The following CMBL variants were observed in gnomAD, a reference collection of about 807,000 sequenced individuals.
CMBL encodes the protein carboxymethylenebutenolidase homolog.
In CMBL, 17 loss-of-function variants were observed where a neutral mutation model predicts 28.7. The observed-to-expected ratio is 0.59, with a 90% CI of 0.41 to 0.89. CMBL has a LOEUF of 0.89. Among genes scored for constraint, CMBL ranks in the 40% least tolerant of loss-of-function variants. The pLI, the probability that CMBL is intolerant of heterozygous loss-of-function variation, is 0.00. For missense variants in CMBL, 310 were observed against 298.5 expected (o/e 1.04, Z -0.28); for synonymous variants, 106 against 101.6 (o/e 1.04, Z -0.26).
chr5:10,291,607 G>A (rs1368708991), intron 1 of CMBL, among the ~76,000 whole-genome samples: 1 of 151,530 alleles, frequency 6.6e-6, no homozygotes. Flanking sequence ...CTTGCAGTGA[G>A]CCGAGATCGC....
In CMBL at chr5:10,279,896, C is replaced by A. The variant is rs367629236; in HGVS notation, c.*557G>T. The A allele has an allele frequency of 6.6e-6, 1 of 152,074 alleles. No homozygotes were observed. Among genetic ancestry groups the A allele is most frequent in the African/African-American group, 2.4e-5 (1 of 41,394 alleles). The allele number at this position is 152,074 out of a possible 1,614,324, so 9.4% of individuals were successfully genotyped here. A position where few individuals can be genotyped will look rare whatever the true frequency, so the allele number is the denominator to read the frequency against. Reference sequence around the variant, plus strand: ...TCTATCATTCTCTATCATTCAAATTCTCCAGGTACTGACCTGGTTTTTATT... The same window carrying A: ...TCTATCATTCTCTATCATTCAAATTATCCAGGTACTGACCTGGTTTTTATT... On this transcript the variant is annotated 3_prime_UTR_variant, in exon 6 of 6. Coordinates refer to ENST00000296658, the MANE Select transcript of CMBL (RefSeq NM_138809.4).
At chr5:10,282,347 C>T in intron 4 of CMBL, 59 bp from the exon 5 acceptor site, 1 of 964,944 alleles carries the variant, frequency 1.0e-6, no homozygotes, top group Non-Finnish European at 1.7e-6. Flanking sequence ...ACATGATCCC[C>T]ACACCCATGC....
At chr5:10,281,412 C>G (rs916462804) in intron 5 of CMBL, among the ~76,000 whole-genome samples, 1 of 152,070 alleles carries the variant, frequency 6.6e-6, no homozygotes, top group African/African-American at 2.4e-5. Context: ...GAGAAGGGAT[C>G]TAGCTAGACT....
At chr5:10,283,896 ATAAG>A (rs1328926738) in intron 4 of CMBL, among the ~76,000 whole-genome samples, 1 of 152,374 alleles carries the variant, frequency 6.6e-6, no homozygotes, top group African/African-American at 2.4e-5. Context: ...CTATGCGAAA[ATAAG>A]TAAGTAAAAG....
rs1746509716 is a variant in CMBL, at chr5:10,282,345, C to T, written c.467-57G>A. 5.1e-6 allele frequency: 5 copies of T among 987,474 alleles called. No individual in the cohort carries two copies. In the Admixed American group the frequency reaches 8.7e-5, roughly 17 times the overall value. The allele number at this position is 987,474 out of a possible 1,614,324, so 61.2% of individuals were successfully genotyped here. On this transcript the variant is annotated intron_variant, in intron 4 of 5. Transcript: ENST00000296658. The stretch of plus-strand genomic sequence containing the variant: ...ATCCCCACACTCATGCCACATGATC[C>T]CCACACCCATGCCGCATGATCCCCA...
chr5:10,296,004 C>G (rs564851150), intron 1 of CMBL, among the ~76,000 whole-genome samples: 1 of 152,118 alleles, frequency 6.6e-6, no homozygotes, highest in Non-Finnish European at 1.5e-5. Context: ...GGAGAAAATG[C>G]GAGTATTGGA....
chr5:10,294,979 A>G lies in CMBL; in HGVS notation c.-19-4198T>C, dbSNP rs566256430. 1.5e-3 allele frequency among the ~76,000 whole-genome samples: 235 copies of G among 152,358 alleles called. 1 individual carries two copies. Among genetic ancestry groups the G allele is most frequent in the Non-Finnish European group, 2.7e-3 (182 of 68,028 alleles). ...AAGCTGGGTAACACGATAGAAGTTCAAGGGCCAGGGGCCCAAGCTAAAACG... is the reference window on the plus strand; with the variant it reads ...AAGCTGGGTAACACGATAGAAGTTCGAGGGCCAGGGGCCCAAGCTAAAACG... On this transcript the variant is annotated intron_variant, in intron 1 of 5. Transcript: ENST00000296658.
At chr5:10,304,013 T>C (rs1245855893) in intron 1 of CMBL, among the ~76,000 whole-genome samples, 2 of 152,142 alleles carry the variant, frequency 1.3e-5, no homozygotes, top group Non-Finnish European at 2.9e-5. Flanking sequence ...TTTTTGAACA[T>C]GGCTCCCATG....
In CMBL at chr5:10,286,439, G is replaced by A; in HGVS notation, c.381C>T (p.Gly127=). The A allele has an allele frequency of 6.2e-7, 1 of 1,613,984 alleles. No homozygotes were observed. Among genetic ancestry groups the A allele is most frequent in the Non-Finnish European group, 8.5e-7 (1 of 1,179,860 alleles). ...TTCCACCCCAGCAGAATCCCACGAT[G>A]CCAATTTTCTGGGCATGACACTGTT... ...LKQQCHAQKI[G]IVGFCWGGTA... is the part of the protein sequence containing the mutation. The change falls in exon 4 of 6, where the codon GGC becomes GGT. Residue 127 remains glycine (G), a synonymous_variant. Coordinates refer to ENST00000296658, the MANE Select transcript of CMBL (RefSeq NM_138809.4).
chr5:10,286,645 G>T, intron 3 of CMBL, 149 bp from the exon 4 acceptor site: 2 of 637,154 alleles, frequency 3.1e-6, no homozygotes, highest in Non-Finnish European at 5.1e-6. Flanking sequence ...ACTACCTCTG[G>T]CCCAACTGAT....
intron 1 of CMBL, among the ~76,000 whole-genome samples, chr5:10,306,544 A>T (rs1332419499): frequency 6.6e-6 from 1 of 152,200 alleles, no homozygotes; most frequent in African/African-American, 2.4e-5. Flanking sequence ...GCTCAGGGTT[A>T]CAGAGGACCC....
chr5:10,286,539 G>T (rs1287009605), intron 3 of CMBL, 43 bp from the exon 4 acceptor site: 1 of 1,585,046 alleles, frequency 6.3e-7, no homozygotes, highest in Non-Finnish European at 8.6e-7. Flanking sequence ...GGCTTATTTT[G>T]TGAACCCCTC....
chr5:10,282,223 T>C lies in CMBL; in HGVS notation c.532A>G (p.Asn178Asp), dbSNP rs747620570. The C allele has an allele frequency of 1.2e-6, 2 of 1,612,376 alleles. No individual in the cohort carries two copies. Among genetic ancestry groups the C allele is most frequent in the Non-Finnish European group, 1.7e-6 (2 of 1,178,582 alleles). Residue 178 changes from asparagine (N) to aspartate (D), a missense_variant, in exon 5 of 6, where the codon AAT (asparagine) becomes GAT (aspartate). By Grantham distance (23) the Asn-to-Asp change is conservative. Transcript: ENST00000296658. Reference protein sequence around the residue: ...KNPTLFIFAENDVVIPLKDVS... With the variant: ...KNPTLFIFAEDDVVIPLKDVS... ...TCCTTGAGTGGAATCACAACATCAT[T>C]TTCAGCAAAAATGAACAAAGTGGGG...
At chr5:10,298,941 G>A (rs771629879) in intron 1 of CMBL, among the ~76,000 whole-genome samples, 3 of 152,110 alleles carry the variant, frequency 2.0e-5, no homozygotes, top group Non-Finnish European at 4.4e-5. Flanking sequence ...GGGGTAGGGT[G>A]GACAAGGTGT....
At chr5:10,285,008 T>TTTA (rs1554013398) in intron 4 of CMBL, among the ~76,000 whole-genome samples, 13 of 151,770 alleles carry the variant, frequency 8.6e-5, no homozygotes, top group African/African-American at 2.7e-4. Context: ...TTTTTTTTAT[T>TTTA]TTTTATTTTA....
intron 3 of CMBL, 150 bp downstream of exon 3, chr5:10,288,272 T>A (rs973017587): frequency 9.4e-5 from 57 of 608,418 alleles, no homozygotes; most frequent in Middle Eastern, 4.4e-4. Flanking sequence ...CAAAAAAAAA[T>A]TTTTTCTCCT....
chr5:10,282,844 C>T (rs1460565289), intron 4 of CMBL, among the ~76,000 whole-genome samples: 3 of 152,014 alleles, frequency 2.0e-5, no homozygotes, highest in Non-Finnish European at 2.9e-5. Context: ...GTAATCCCAG[C>T]ACTTTGGGAG....
Position 10,290,782 on chromosome 5 carries a change from C to T in CMBL, c.-19-1G>A, listed in dbSNP as rs757066254. Reference sequence around the variant, plus strand: ...AGCCATTGCAGAGATTTAAGTCGGGCTATGGAGAGAGAAACATGCGTTATA... The same window carrying T: ...AGCCATTGCAGAGATTTAAGTCGGGTTATGGAGAGAGAAACATGCGTTATA... On this transcript the variant is annotated splice_acceptor_variant, in intron 1 of 5. Transcript: ENST00000296658. LOFTEE classifies it low-confidence loss of function (5UTR_SPLICE). 1.3e-5 allele frequency: 21 copies of T among 1,602,940 alleles called. No homozygotes were observed. In the East Asian group the frequency reaches 4.7e-4, roughly 36 times the overall value.
Position 10,288,532 on chromosome 5 carries a change from G to A in CMBL, c.216-3C>T, listed in dbSNP as rs369535981. ...CAAAGAAGTCTGGAACAATGGTTCT[G>A]CAAAATATGGACATGAATTGATCTT... On this transcript the variant is annotated splice_polypyrimidine_tract_variant and splice_region_variant and intron_variant, in intron 2 of 5. Coordinates refer to ENST00000296658, the MANE Select transcript of CMBL (RefSeq NM_138809.4). 7.1e-5 allele frequency: 113 copies of A among 1,590,548 alleles called. No homozygotes were observed. Among genetic ancestry groups the A allele is most frequent in the Non-Finnish European group, 7.5e-5 (87 of 1,158,722 alleles).
Sources: allele counts gnomAD v4.1 joint callset (sites outside exome capture counted in the v4.1 genomes callset), GRCh38; gene constraint gnomAD v4.1.1; transcripts MANE v1.5; gene names NCBI Gene and HGNC (gene_info 2026-07-23, HGNC 2026-07-21).